Variants in EYA4 observed in about 807,000 individuals in gnomAD.
EYA4 encodes EYA transcriptional coactivator and phosphatase 4, also known as protein phosphatase EYA4.
EYA4 carries 31 observed loss-of-function variants against 87.9 expected under a neutral mutation model. The ratio of observed to expected loss-of-function variants is 0.35; its 90% CI spans 0.27 to 0.48. The LOEUF is 0.48. EYA4 is among the 20% of genes least tolerant of loss of function. The pLI is 0.99. For missense variants in EYA4, 678 were observed against 761.4 expected, an observed-to-expected ratio of 0.89 and a Z score of 1.29; for synonymous variants, 263 against 270.6, an observed-to-expected ratio of 0.97 and a Z score of 0.28.
intron 3 of EYA4, among the ~76,000 whole-genome samples, chr6:133,430,749 A>G (rs1016053656): frequency 2.0e-5 from 3 of 152,214 alleles, no homozygotes; most frequent in Non-Finnish European, 4.4e-5. Flanking sequence ...TTATTCATAC[A>G]TTCAACAAGT....
chr6:133,518,670 G>C (rs905501070), intron 17 of EYA4, among the ~76,000 whole-genome samples: 1 of 152,074 alleles, frequency 6.6e-6, no homozygotes, highest in Admixed American at 6.6e-5. Context: ...AGCCACTTAA[G>C]CAACTCAATT....
intron 14 of EYA4, chr6:133,510,510 G>T: frequency 6.6e-6 from 2 of 303,182 alleles, no homozygotes; most frequent in Non-Finnish European, 1.3e-5. Flanking sequence ...ATGCTAATGG[G>T]TAAAATCTCT....
chr6:133,340,349 T>C (rs551289810), intron 2 of EYA4, among the ~76,000 whole-genome samples: 18 of 152,326 alleles, frequency 1.2e-4, no homozygotes, highest in Middle Eastern at 3.4e-3. Context: ...TTCTGCTGCC[T>C]TTGCCTCTTT....
chr6:133,334,946 A>G (rs1455624496), intron 2 of EYA4, among the ~76,000 whole-genome samples: 2 of 152,236 alleles, frequency 1.3e-5, no homozygotes, highest in Non-Finnish European at 2.9e-5. Flanking sequence ...GCTAATAAAT[A>G]ATACTCTTTA....
intron 13 of EYA4, among the ~76,000 whole-genome samples, chr6:133,489,786 G>T (rs111922013): frequency 0.094 from 14,233 of 152,122 alleles, 1,318 homozygotes; most frequent in African/African-American, 0.22. Flanking sequence ...TGAAAGAAAG[G>T]GATGTTAATG....
At chr6:133,272,357 C>A (rs750029818) in intron 1 of EYA4, among the ~76,000 whole-genome samples, 5 of 152,210 alleles carry the variant, frequency 3.3e-5, no homozygotes, top group African/African-American at 4.8e-5. Flanking sequence ...TGAGCCACTT[C>A]CTCATGAACT....
intron 2 of EYA4, among the ~76,000 whole-genome samples, chr6:133,309,594 A>G (rs1262510665): frequency 2.0e-5 from 3 of 152,198 alleles, no homozygotes; most frequent in African/African-American, 4.8e-5. Flanking sequence ...TTAATTTGCT[A>G]TTAATGTTAC....
chr6:133,247,028 T>A (rs573728284), intron 1 of EYA4: 2 of 152,238 alleles, frequency 1.3e-5, no homozygotes, highest in East Asian at 3.9e-4. Flanking sequence ...TAATAATACT[T>A]ATATTTTATG....
rs911867872 is a variant in EYA4, at chr6:133,385,446, A to T, written c.83+3005A>T. On this transcript the variant is annotated intron_variant, in intron 3 of 19. Coordinates refer to ENST00000355286, the MANE Select transcript of EYA4 (RefSeq NM_004100.5). ...GTGTGTGTGTGTGTGTGTGTGAGAG[A>T]GAGAGAGAGAGATTCAGATTGAGAT... Among the ~76,000 whole-genome samples the T allele has an allele frequency of 1.7e-3, 258 of 147,440 alleles. 2 individuals carry two copies. The highest frequency in any genetic ancestry group is 6.3e-3 in the African/African-American group (244 of 38,566).
At chr6:133,490,198 T>G (rs1797022901) in intron 13 of EYA4, among the ~76,000 whole-genome samples, 1 of 151,078 alleles carries the variant, frequency 6.6e-6, no homozygotes, top group South Asian at 2.1e-4. Context: ...AAGCAAGAAA[T>G]TAAAACATAC....
intron 14 of EYA4, among the ~76,000 whole-genome samples, chr6:133,511,881 T>C (rs947271778): frequency 6.6e-6 from 1 of 151,804 alleles, no homozygotes; most frequent in Non-Finnish European, 1.5e-5. Flanking sequence ...CTCGGGAGGC[T>C]GAGGCAGGAG....
At chr6:133,359,640 G>A (rs558760334) in intron 2 of EYA4, among the ~76,000 whole-genome samples, 3 of 152,294 alleles carry the variant, frequency 2.0e-5, no homozygotes, top group East Asian at 1.9e-4. Flanking sequence ...AGTAGGACAG[G>A]CAGTCATGTT....
chr6:133,260,801 C>G (rs1582775279), intron 1 of EYA4, among the ~76,000 whole-genome samples: 1 of 152,142 alleles, frequency 6.6e-6, no homozygotes, highest in African/African-American at 2.4e-5. Flanking sequence ...GGACAGGCTT[C>G]TTTGCTGAAT....
At chr6:133,503,706 C>T (rs1471572056) in intron 13 of EYA4, among the ~76,000 whole-genome samples, 1 of 152,052 alleles carries the variant, frequency 6.6e-6, no homozygotes, top group African/African-American at 2.4e-5. Context: ...CTAGTTCCCC[C>T]AACCCTGTCA....
intron 14 of EYA4, among the ~76,000 whole-genome samples, chr6:133,508,659 T>G (rs1487808023): frequency 6.6e-5 from 10 of 152,168 alleles, no homozygotes; most frequent in Non-Finnish European, 8.8e-5. Flanking sequence ...ACCCAACTTT[T>G]AAAAGAACAC....
chr6:133,330,923 A>G (rs1437372480), intron 2 of EYA4, among the ~76,000 whole-genome samples: 1 of 150,884 alleles, frequency 6.6e-6, no homozygotes, highest in Non-Finnish European at 1.5e-5. Context: ...GCTGTTGGCA[A>G]TTTTTTTTTA....
chr6:133,454,908 G>C (rs1645436837), intron 5 of EYA4, among the ~76,000 whole-genome samples: 1 of 152,038 alleles, frequency 6.6e-6, no homozygotes, highest in Non-Finnish European at 1.5e-5. Flanking sequence ...GCCTGATACG[G>C]TGGAAAGATC....
chr6:133,333,105 C>T (rs1446925330), intron 2 of EYA4, among the ~76,000 whole-genome samples: 1 of 152,142 alleles, frequency 6.6e-6, no homozygotes, highest in African/African-American at 2.4e-5. Flanking sequence ...CTTTTGCTTT[C>T]CTTCCTATAA....
intron 13 of EYA4, among the ~76,000 whole-genome samples, chr6:133,495,639 G>A (rs1444879522): frequency 2.0e-5 from 3 of 151,938 alleles, no homozygotes; most frequent in Non-Finnish European, 2.9e-5. Context: ...GAATAAGAGT[G>A]GACACAAGTT....
Sources: allele counts gnomAD v4.1 joint callset (sites outside exome capture counted in the v4.1 genomes callset), GRCh38; gene constraint gnomAD v4.1.1; transcripts MANE v1.5; gene names NCBI Gene and HGNC (gene_info 2026-07-23, HGNC 2026-07-21).